Variants in DEDD observed in about 807,000 individuals in gnomAD.
DEDD encodes the protein death effector domain containing.
Under a neutral mutation model 29.2 loss-of-function variants are expected in DEDD, and 3 were observed. That is an observed-to-expected ratio of 0.10 (90% CI 0.05 to 0.27). The LOEUF (loss-of-function observed/expected upper bound fraction) is 0.27, where lower values mean the gene tolerates loss of function less well. Among genes scored for constraint, DEDD ranks in the 10% least tolerant of loss-of-function variants. DEDD has a pLI of 1.00. For synonymous variants in DEDD, 152 were observed against 161.3 expected (o/e 0.94, Z 0.44); for missense variants, 261 against 420.5 (o/e 0.62, Z 3.32).
intron 3 of DEDD, 53 bp downstream of exon 3, chr1:161,124,085 C>T (rs1368631267): frequency 6.3e-7 from 1 of 1,584,386 alleles, no homozygotes; most frequent in Non-Finnish European, 8.6e-7. Context: ...TATGCTGCTC[C>T]TTCCTGGCCT....
chr1:161,125,055 A>G (rs1656016639), intron 2 of DEDD: 1 of 152,528 alleles, frequency 6.6e-6, no homozygotes, highest in African/African-American at 2.4e-5. Context: ...ATAATCCTGC[A>G]CTGTAGCCTG....
At position 161,122,115 on chromosome 1, in the gene DEDD, G is replaced by T; in HGVS notation, c.*32C>A. 1 of 1,607,744 alleles carries T rather than the reference G, an allele frequency of 6.2e-7. No individual in the cohort carries two copies. The highest frequency in any genetic ancestry group is 1.1e-5 in the South Asian group (1 of 90,616). On this transcript the variant is annotated 3_prime_UTR_variant, in exon 6 of 6. Transcript: ENST00000368006. This position sits in a 1 kb window ranked among gnomAD's most constrained non-coding sequence, Gnocchi z 4.2. ...TGTAAGCTCCAGAGGTGGGTGATGG[G>T]AACAGTCCCCAAAGTGAGAAGAGGG...
At position 161,120,994 on chromosome 1, in the gene DEDD, T is replaced by G; in HGVS notation, c.*1153A>C. 1 of 1,399,178 alleles carries G rather than the reference T, an allele frequency of 7.1e-7. No individual in the cohort carries two copies. Among genetic ancestry groups the G allele is most frequent in the Non-Finnish European group, 9.3e-7 (1 of 1,078,816 alleles). The allele number at this position is 1,399,178 out of a possible 1,614,324, so 86.7% of individuals were successfully genotyped here. A position where few individuals can be genotyped will look rare whatever the true frequency, so the allele number is the denominator to read the frequency against. On this transcript the variant is annotated 3_prime_UTR_variant, in exon 6 of 6. Coordinates refer to ENST00000368006, the MANE Select transcript of DEDD (RefSeq NM_032998.3). Reference sequence around the variant, plus strand: ...AGGTGGAATTTTATATAGTCATTGTTTATTTCATGGAAACTGAAGTTCTGC... The same window carrying G: ...AGGTGGAATTTTATATAGTCATTGTGTATTTCATGGAAACTGAAGTTCTGC...
intron 4 of DEDD, among the ~76,000 whole-genome samples, chr1:161,123,445 C>T (rs1655761623): frequency 6.6e-6 from 1 of 152,094 alleles, no homozygotes; most frequent in South Asian, 2.1e-4. Flanking sequence ...CGAGACCATC[C>T]TGGCTAACAC....
chr1:161,123,721 T>C (rs1209104202), intron 4 of DEDD, 118 bp downstream of exon 4: 2 of 849,596 alleles, frequency 2.4e-6, no homozygotes, highest in African/African-American at 3.4e-5. Flanking sequence ...TTTTTTTTTA[T>C]GGGGCAAGAT....
chr1:161,130,376 A>G (rs988185816), intron 2 of DEDD, among the ~76,000 whole-genome samples: 2 of 152,340 alleles, frequency 1.3e-5, no homozygotes, highest in Middle Eastern at 3.4e-3. Context: ...GGAAGTCAGA[A>G]TTACATAGTA....
chr1:161,123,027 AT>A (rs1212462780), intron 5 of DEDD, 47 bp downstream of exon 5: 1 of 1,614,086 alleles, frequency 6.2e-7, no homozygotes, highest in African/African-American at 1.3e-5. Context: ...AGTTCTTTAT[AT>A]TCTCCTTCAA....
chr1:161,132,500 C>CCCCGT (rs1473643392), intron 1 of DEDD, 51 bp downstream of exon 1: 49 of 155,052 alleles, frequency 3.2e-4, no homozygotes, highest in Middle Eastern at 2.1e-3. Context: ...CCCGGCCCCG[C>CCCCGT]CCCGTCCCGC....
chr1:161,131,427 G>C (rs1656659129), intron 1 of DEDD, among the ~76,000 whole-genome samples: 1 of 152,066 alleles, frequency 6.6e-6, no homozygotes, highest in South Asian at 2.1e-4. Context: ...ACAGCAAAAG[G>C]GTCTGGAAAC....
Position 161,122,919 on chromosome 1 carries a change from C to A in DEDD, c.580+156G>T. ...TGTACCCTGCCACAATCATAAAGAGCAGTTCTTCCACCAGACACCAAACCA... is the reference window on the plus strand; with the variant it reads ...TGTACCCTGCCACAATCATAAAGAGAAGTTCTTCCACCAGACACCAAACCA... On this transcript the variant is annotated intron_variant, in intron 5 of 5. Coordinates refer to ENST00000368006, the MANE Select transcript of DEDD (RefSeq NM_032998.3). This position sits in a 1 kb window ranked among gnomAD's most constrained non-coding sequence, Gnocchi z 4.2. 4 of 1,363,444 alleles carry A rather than the reference C, an allele frequency of 2.9e-6. No individual in the cohort carries two copies. Among genetic ancestry groups the A allele is most frequent in the Non-Finnish European group, 4.2e-6 (4 of 956,726 alleles). The allele number at this position is 1,363,444 out of a possible 1,614,324, so 84.5% of individuals were successfully genotyped here. A position where few individuals can be genotyped will look rare whatever the true frequency, so the allele number is the denominator to read the frequency against.
rs1030643699 is a variant in DEDD, at chr1:161,121,815, C to A, written c.*332G>T. ...AGTATTGATAACTCCTTAGTGCATCCAAAAAAAAGTGTTCACATCAATCCC... is the reference window on the plus strand; with the variant it reads ...AGTATTGATAACTCCTTAGTGCATCAAAAAAAAAGTGTTCACATCAATCCC... On this transcript the variant is annotated 3_prime_UTR_variant, in exon 6 of 6. Coordinates refer to ENST00000368006, the MANE Select transcript of DEDD (RefSeq NM_032998.3). The A allele has an allele frequency of 1.3e-5, 3 of 223,830 alleles. No individual in the cohort carries two copies. Among genetic ancestry groups the A allele is most frequent in the African/African-American group, 2.2e-5 (1 of 44,552 alleles). 13.9% of individuals were successfully genotyped at this position (223,830 alleles called of 1,614,324 possible). A position where few individuals can be genotyped will look rare whatever the true frequency, so the allele number is the denominator to read the frequency against.
chr1:161,121,131 T>G lies in DEDD; in HGVS notation c.*1016A>C. On this transcript the variant is annotated 3_prime_UTR_variant, in exon 6 of 6. Coordinates refer to ENST00000368006, the MANE Select transcript of DEDD (RefSeq NM_032998.3). Reference sequence around the variant, plus strand: ...TGGTATTGTACCAGCTGGACTAAGCTCCAGTTCTAGACCTCCTGGCTCATT... The same window carrying G: ...TGGTATTGTACCAGCTGGACTAAGCGCCAGTTCTAGACCTCCTGGCTCATT... The G allele has an allele frequency of 9.1e-7, 1 of 1,097,204 alleles. No individual in the cohort carries two copies. Among genetic ancestry groups the G allele is most frequent in the South Asian group, 2.5e-5 (1 of 40,030 alleles). 68.0% of individuals were successfully genotyped at this position (1,097,204 alleles called of 1,614,324 possible).
At chr1:161,123,504 C>T (rs1398947269) in intron 4 of DEDD, among the ~76,000 whole-genome samples, 10 of 152,032 alleles carry the variant, frequency 6.6e-5, no homozygotes, top group South Asian at 2.1e-4. Context: ...GGCGTGCTGG[C>T]GGGCGCCTGT....
chr1:161,123,508 C>T (rs1307615466), intron 4 of DEDD, among the ~76,000 whole-genome samples: 3 of 151,940 alleles, frequency 2.0e-5, no homozygotes, highest in African/African-American at 4.8e-5. Flanking sequence ...TGCTGGCGGG[C>T]GCCTGTAGTC....
chr1:161,124,581 T>C (rs1381348692), intron 2 of DEDD, 55 bp from the exon 3 acceptor site: 2 of 1,470,872 alleles, frequency 1.4e-6, no homozygotes, highest in Non-Finnish European at 1.8e-6. Flanking sequence ...ACTAGTCTCA[T>C]GCATTCCCAT....
Position 161,124,315 on chromosome 1 carries a change from C to T in DEDD, c.148G>A (p.Val50Ile). 6.2e-7 allele frequency: 1 copy of T among 1,614,242 alleles called. No individual in the cohort carries two copies. Among genetic ancestry groups the T allele is most frequent in the Non-Finnish European group, 8.5e-7 (1 of 1,180,042 alleles). The change falls in exon 3 of 6, where the codon GTT becomes ATT. Residue 50 changes from valine (V) to isoleucine (I), a missense_variant. Physicochemically the swap from Val to Ile is conservative, Grantham distance 29 (BLOSUM62 3). Coordinates refer to ENST00000368006, the MANE Select transcript of DEDD (RefSeq NM_032998.3). ...CGCTCGTGGTCATCAATGACATCAACAAAGAGGAAAGAAAGCACGCGCACA... is the reference window on the plus strand; with the variant it reads ...CGCTCGTGGTCATCAATGACATCAATAAAGAGGAAAGAAAGCACGCGCACA... ...RDVRVLSFLFVDVIDDHERGL... is the reference protein window; with the variant it reads ...RDVRVLSFLFIDVIDDHERGL...
intron 2 of DEDD, among the ~76,000 whole-genome samples, chr1:161,128,128 A>C (rs1247514396): frequency 6.6e-6 from 1 of 152,208 alleles, no homozygotes. Flanking sequence ...CCTAGATCCC[A>C]GGCTAGATCA....
chr1:161,121,093 C>G lies in DEDD; in HGVS notation c.*1054G>C. The G allele has an allele frequency of 4.3e-6, 5 of 1,160,416 alleles. No homozygotes were observed. Among genetic ancestry groups the G allele is most frequent in the Non-Finnish European group, 5.4e-6 (5 of 933,214 alleles). 71.9% of individuals were successfully genotyped at this position (1,160,416 alleles called of 1,614,324 possible). ...TGTGTCTGGACATCGCCTTTGGGAA[C>G]TAGAAGGGGAGTTGGTATTGTACCA... On this transcript the variant is annotated 3_prime_UTR_variant, in exon 6 of 6. Coordinates refer to ENST00000368006, the MANE Select transcript of DEDD (RefSeq NM_032998.3).
At position 161,122,591 on chromosome 1, in the gene DEDD, A is replaced by G; in HGVS notation, c.581-68T>C. ...GGGATGAGTTTACAAGCCAAGCTTG[A>G]AAACTGAAAAGCACAACAGAATAAA... On this transcript the variant is annotated intron_variant, in intron 5 of 5. Coordinates refer to ENST00000368006, the MANE Select transcript of DEDD (RefSeq NM_032998.3). The surrounding 1 kb of genome is among the most constrained non-coding windows in gnomAD (Gnocchi z 4.2). 6.5e-7 allele frequency: 1 copy of G among 1,545,088 alleles called. No individual in the cohort carries two copies. The highest frequency in any genetic ancestry group is 8.7e-7 in the Non-Finnish European group (1 of 1,144,564).
Sources: gnomAD v4.1 joint callset for allele counts (sites outside exome capture counted in the v4.1 genomes callset) on GRCh38, gnomAD v4.1.1 for gene constraint, Gnocchi (gnomAD v3.1) non-coding constraint, MANE v1.5 for transcripts, NCBI Gene and HGNC (gene_info 2026-07-23, HGNC 2026-07-21) for gene names.